Variants in LINC00632 observed in about 807,000 individuals in gnomAD.
LINC00632 encodes ALDOA related specific transcript.
At chrX:140,788,846 T>TTCC in exon 5 of LINC00632, among the ~76,000 whole-genome samples, 1 of 106,832 alleles carries the variant, frequency 9.4e-6, no homozygotes, top group Admixed American at 1.0e-4. Context: ...TATGTATATA[T>TTCC]GTATATTCCA....
chrX:140,750,583 A>T (rs1431638393), intron 3 of LINC00632, among the ~76,000 whole-genome samples: 1 of 111,241 alleles, frequency 9.0e-6, no homozygotes, highest in Non-Finnish European at 1.9e-5. Flanking sequence ...TGGTCAACTA[A>T]AAATAAGTTA....
chrX:140,790,869 T>C (rs1386863009), exon 5 of LINC00632, among the ~76,000 whole-genome samples: 1 of 111,947 alleles, frequency 8.9e-6, no homozygotes, highest in Non-Finnish European at 1.9e-5. Flanking sequence ...TGAACTCTAT[T>C]CCTAGCTCTA....
intron 2 of LINC00632, among the ~76,000 whole-genome samples, chrX:140,730,984 C>T (rs1471486438): frequency 9.1e-6 from 1 of 110,281 alleles, no homozygotes; most frequent in African/African-American, 3.3e-5. Context: ...TCACTGTAAC[C>T]TCCATCTCCC....
chrX:140,728,016 G>A (rs1226625190), intron 2 of LINC00632, among the ~76,000 whole-genome samples: 4 of 111,235 alleles, frequency 3.6e-5, no homozygotes, highest in Admixed American at 9.5e-5. Flanking sequence ...CGAGACGGGC[G>A]GATCACCTGA....
intron 2 of LINC00632, among the ~76,000 whole-genome samples, chrX:140,717,839 T>G (rs1029335658): frequency 9.0e-6 from 1 of 111,440 alleles, no homozygotes; most frequent in Non-Finnish European, 1.9e-5. Flanking sequence ...CTTATAGCTG[T>G]TAAGAGAAAT....
At chrX:140,724,614 C>A (rs1170517701) in intron 2 of LINC00632, among the ~76,000 whole-genome samples, 1 of 43,409 alleles carries the variant, frequency 2.3e-5, no homozygotes, top group African/African-American at 8.5e-5. Context: ...CACACACACA[C>A]AAACACATAT....
rs1329278295 is a variant in LINC00632 at position 140,779,284 on chromosome X, C to T, written n.7303C>T. 3.6e-5 allele frequency among the ~76,000 whole-genome samples: 4 copies of T among 111,397 alleles called. No homozygotes were observed. In the Admixed American group the frequency reaches 3.8e-4, roughly 11 times the overall value. On this transcript the variant is annotated non_coding_transcript_exon_variant, in exon 5 of 5. Transcript: ENST00000648200. ...AAAAAGGAGGGGTGGGGAGAAAGGG[C>T]AGCCCAGGCTGATGAGATGTGAAGA...
exon 5 of LINC00632, among the ~76,000 whole-genome samples, chrX:140,790,220 T>C (rs144823862): frequency 0.022 from 2,443 of 110,923 alleles, 74 homozygotes; most frequent in African/African-American, 0.076. Flanking sequence ...TAGTACTCTA[T>C]GTAGAATTGG....
At chrX:140,748,567 A>G (rs1005632461) in intron 3 of LINC00632, among the ~76,000 whole-genome samples, 5 of 110,809 alleles carry the variant, frequency 4.5e-5, no homozygotes, top group African/African-American at 1.6e-4. Flanking sequence ...TGAGTGCCAG[A>G]TAAGTACCCC....
intron 2 of LINC00632, among the ~76,000 whole-genome samples, chrX:140,724,418 A>G (rs1217863683): frequency 8.9e-6 from 1 of 112,923 alleles, no homozygotes; most frequent in Non-Finnish European, 1.9e-5. Context: ...ACACATACAC[A>G]CATTCCACAC....
At chrX:140,787,454 ACTT>A (rs1360984687) in exon 5 of LINC00632, among the ~76,000 whole-genome samples, 3 of 111,738 alleles carry the variant, frequency 2.7e-5, no homozygotes, top group Admixed American at 1.9e-4. Context: ...TATTATAAAA[ACTT>A]CTGTGATCAG....
intron 2 of LINC00632, chrX:140,714,669 A>C (rs1454918205): frequency 6.3e-5 from 7 of 110,312 alleles, no homozygotes; most frequent in African/African-American, 2.0e-4. Flanking sequence ...CTAAAAATAC[A>C]AAATTAGCCG....
At chrX:140,743,628 A>G (rs1186910513) in intron 3 of LINC00632, among the ~76,000 whole-genome samples, 1 of 111,703 alleles carries the variant, frequency 9.0e-6, no homozygotes, top group Non-Finnish European at 1.9e-5. Flanking sequence ...ATATTTGCAC[A>G]GAGAAAGCAA....
At chrX:140,783,693 C>A (rs909237024) in exon 5 of LINC00632, 1 of 1,209,678 alleles carries the variant, frequency 8.3e-7, no homozygotes, top group African/African-American at 1.8e-5. Flanking sequence ...CCAGAAAAAT[C>A]TACGTCTTCC....
At chrX:140,766,174 T>G (rs1341583340) in intron 3 of LINC00632, among the ~76,000 whole-genome samples, 1 of 111,712 alleles carries the variant, frequency 9.0e-6, no homozygotes, top group African/African-American at 3.3e-5. Flanking sequence ...CTGTTGGATT[T>G]CTTATAGGCC....
At chrX:140,726,714 A>G (rs188615463) in intron 2 of LINC00632, among the ~76,000 whole-genome samples, 1 of 112,158 alleles carries the variant, frequency 8.9e-6, no homozygotes, top group Admixed American at 9.5e-5. Flanking sequence ...CACCCAAGAT[A>G]TACGGCTTCT....
chrX:140,731,477 C>A (rs1931054218), intron 2 of LINC00632, among the ~76,000 whole-genome samples: 2 of 111,397 alleles, frequency 1.8e-5, no homozygotes, highest in African/African-American at 6.5e-5. Context: ...CTGCCACTTA[C>A]TGGCCATATG....
intron 3 of LINC00632, among the ~76,000 whole-genome samples, chrX:140,771,640 C>G (rs202108328): frequency 1.7e-5 from 1 of 60,173 alleles, no homozygotes; most frequent in Non-Finnish European, 3.2e-5. Context: ...CACACACACA[C>G]ACACATACAT....
In LINC00632 at chrX:140,771,685, A is replaced by ATAT. The variant is rs1417040262; in HGVS notation, n.192-392_192-391insATT. ...TGTGTGTATATATATATATATATAT[A>ATAT]TTTTTTTTTTTTGAGACGGAATCTT... On this transcript the variant is annotated intron_variant and non_coding_transcript_variant, in intron 3 of 4. Transcript: ENST00000648200. Among the ~76,000 whole-genome samples, 372 of 61,598 alleles carry ATAT rather than the reference A, an allele frequency of 6.0e-3. 5 individuals are homozygous for ATAT. The highest frequency in any genetic ancestry group is 0.022 in the African/African-American group (312 of 14,041). 53.5% of individuals were successfully genotyped at this position (61,598 alleles called of 115,157 possible). A position where few individuals can be genotyped will look rare whatever the true frequency, so the allele number is the denominator to read the frequency against.
Sources: allele counts gnomAD v4.1 joint callset (sites outside exome capture counted in the v4.1 genomes callset), GRCh38; gene constraint gnomAD v4.1.1; transcripts MANE v1.5; gene names NCBI Gene and HGNC (gene_info 2026-07-23, HGNC 2026-07-21).